ASNSD1: variants seen among roughly 807,000 people sequenced by gnomAD.
ASNSD1 encodes the protein asparagine synthetase domain-containing protein 1.
Under a neutral mutation model 48.3 loss-of-function variants are expected in ASNSD1, and 36 were observed. That is an observed-to-expected ratio of 0.75 (90% CI 0.57 to 0.99). ASNSD1 has a LOEUF of 0.99. Ranked by LOEUF, ASNSD1 falls within the 50% of genes least tolerant of loss-of-function variation. ASNSD1 has a pLI of 0.00. For synonymous variants in ASNSD1, 257 were observed against 262.1 expected, an observed-to-expected ratio of 0.98 and a Z score of 0.19; for missense variants, 714 against 758.2, an observed-to-expected ratio of 0.94 and a Z score of 0.69.
chr2:189,665,968 G>A (rs1454461928), intron 3 of ASNSD1, 73 bp from the exon 4 acceptor site: 15 of 635,714 alleles, frequency 2.4e-5, no homozygotes, highest in Admixed American at 7.3e-5. Context: ...AGCTTGTGTT[G>A]CCCTCTGAAT....
intron 1 of ASNSD1, among the ~76,000 whole-genome samples, chr2:189,662,161 T>G (rs2032681443): frequency 6.6e-6 from 1 of 152,230 alleles, no homozygotes; most frequent in Admixed American, 6.5e-5. Context: ...GCTTCTCCGT[T>G]AACCAGAGCA....
chr2:189,669,665 C>T (rs1208060026), intron 5 of ASNSD1, among the ~76,000 whole-genome samples: 2 of 152,038 alleles, frequency 1.3e-5, no homozygotes, highest in Non-Finnish European at 2.9e-5. Context: ...AACTGTATTG[C>T]ATTTTGAGAT....
In ASNSD1 at chr2:189,666,161, T is replaced by C; in HGVS notation, c.29T>C (p.Phe10Ser). 7 of 1,590,232 alleles carry C rather than the reference T, an allele frequency of 4.4e-6. No individual in the cohort carries two copies. Among genetic ancestry groups the C allele is most frequent in the Non-Finnish European group, 6.0e-6 (7 of 1,169,826 alleles). Residue 10 changes from phenylalanine (F) to serine (S), a missense_variant, in exon 4 of 6, where the codon TTT becomes TCT. Physicochemically the swap from Phe to Ser is radical, Grantham distance 155 (BLOSUM62 -2). Transcript: ENST00000260952. ...TGTGGCATTTGTTGTTCTGTAAACT[T>C]TTCTGCTGAGCATTTCAGTCAAGAT... Reference protein sequence around the residue: MCGICCSVNFSAEHFSQDLK... With the variant: MCGICCSVNSSAEHFSQDLK...
chr2:189,666,972 G>T lies in ASNSD1; in HGVS notation c.840G>T (p.Lys280Asn). 6.2e-7 allele frequency: 1 copy of T among 1,614,160 alleles called. No homozygotes were observed. The highest frequency in any genetic ancestry group is 8.5e-7 in the Non-Finnish European group (1 of 1,180,028). The change falls in exon 4 of 6, where the codon AAG (lysine) becomes AAT (asparagine). Residue 280 changes from lysine (K) to asparagine (N), a missense_variant. Coordinates refer to ENST00000260952, the MANE Select transcript of ASNSD1 (RefSeq NM_019048.4). The stretch of plus-strand genomic sequence containing the variant: ...TCTTTCTTACTGATGTACACATGAA[G>T]GAAGTAATTCAGCAGTTCATTGATG... The part of the protein sequence containing the change: ...LQVFLTDVHM[K>N]EVIQQFIDVL...
At chr2:189,662,801 C>T (rs1480750987) in intron 1 of ASNSD1, among the ~76,000 whole-genome samples, 2 of 151,914 alleles carry the variant, frequency 1.3e-5, no homozygotes, top group Admixed American at 1.3e-4. Context: ...AAATGAAGCC[C>T]AGGCCAGCAT....
Position 189,670,582 on chromosome 2 carries a change from T to C in ASNSD1, c.1788T>C (p.Ser596=), listed in dbSNP as rs372187311. 1.2e-6 allele frequency: 2 copies of C among 1,614,138 alleles called. No homozygotes were observed. Among genetic ancestry groups the C allele is most frequent in the Non-Finnish European group, 8.5e-7 (1 of 1,179,988 alleles). The part of the protein sequence containing the change: ...LAAVELGLTA[S]ALLPKRAMQF... ...CTGTGGAACTTGGTCTTACAGCCTCTGCTCTTCTGCCCAAACGGGCCATGC... is the reference window on the plus strand; with the variant it reads ...CTGTGGAACTTGGTCTTACAGCCTCCGCTCTTCTGCCCAAACGGGCCATGC... The change falls in exon 6 of 6, where the codon TCT becomes TCC. Residue 596 remains serine, a synonymous_variant. Coordinates refer to ENST00000260952, the MANE Select transcript of ASNSD1 (RefSeq NM_019048.4).
chr2:189,661,750 AC>A, intron 1 of ASNSD1, 140 bp downstream of exon 1: 2 of 397,618 alleles, frequency 5.0e-6, no homozygotes, highest in Non-Finnish European at 8.9e-6. Context: ...TATTCATAGC[AC>A]TTGACAGCCA....
chr2:189,668,087 C>A, intron 5 of ASNSD1, 142 bp downstream of exon 5: 1 of 755,182 alleles, frequency 1.3e-6, no homozygotes. Flanking sequence ...GTATTATAAA[C>A]AAAGTCAGAA....
At chr2:189,668,286 G>A (rs912873964) in intron 5 of ASNSD1, among the ~76,000 whole-genome samples, 1 of 152,144 alleles carries the variant, frequency 6.6e-6, no homozygotes, top group Non-Finnish European at 1.5e-5. Context: ...AGGCCAAGGC[G>A]GGTGGATCAC....
chr2:189,669,248 C>T lies in ASNSD1; in HGVS notation c.1647-1193C>T, dbSNP rs1237024845. Among the ~76,000 whole-genome samples the T allele has an allele frequency of 2.0e-5, 3 of 152,164 alleles. No homozygotes were observed. In the East Asian group the frequency reaches 5.8e-4, roughly 29 times the overall value. Reference sequence around the variant, plus strand: ...TCAAGATTTCACTATAAACTGATAACTAATGCCATAATAAAGTCCGTAAAC... The same window carrying T: ...TCAAGATTTCACTATAAACTGATAATTAATGCCATAATAAAGTCCGTAAAC... On this transcript the variant is annotated intron_variant, in intron 5 of 5. Transcript: ENST00000260952.
Position 189,661,578 on chromosome 2 carries a change from T to G in ASNSD1, c.-255T>G, listed in dbSNP as rs2032665251. 2.5e-6 allele frequency: 1 copy of G among 399,188 alleles called. No individual in the cohort carries two copies. The highest frequency in any genetic ancestry group is 4.4e-6 in the Non-Finnish European group (1 of 226,222). 24.7% of individuals were successfully genotyped at this position (399,188 alleles called of 1,614,324 possible). On this transcript the variant is annotated 5_prime_UTR_variant, in exon 1 of 6. It adds an upstream start codon to the 5' untranslated region. Coordinates refer to ENST00000260952, the MANE Select transcript of ASNSD1 (RefSeq NM_019048.4). ...CTCTGTGCTGATCCCCACCGACAATTCGACCCCACACAAGGAGGATCTAAG... is the reference window on the plus strand; with the variant it reads ...CTCTGTGCTGATCCCCACCGACAATGCGACCCCACACAAGGAGGATCTAAG...
rs2032847625 is a variant in ASNSD1, at chr2:189,667,785, G to A, written c.1486G>A (p.Ala496Thr). 6.2e-7 allele frequency: 1 copy of A among 1,613,340 alleles called. No individual in the cohort carries two copies. The highest frequency in any genetic ancestry group is 8.5e-7 in the Non-Finnish European group (1 of 1,179,850). The change falls in exon 5 of 6, where the codon GCA becomes ACA. Residue 496 changes from alanine (A) to threonine (T), a missense_variant. Transcript: ENST00000260952. Reference protein sequence around the residue: ...NAKVVLTGIGADEQLAGYSRH... With the variant: ...NAKVVLTGIGTDEQLAGYSRH... ...ATAGGTAGTTCTCACTGGAATTGGT[G>A]CAGATGAGCAACTTGCAGGTTATTC...
At chr2:189,670,414 A>G (rs957327134) in intron 5 of ASNSD1, 27 bp from the exon 6 acceptor site, 40 of 1,550,394 alleles carry the variant, frequency 2.6e-5, no homozygotes, top group Non-Finnish European at 3.5e-5. Context: ...ATTTTTACAT[A>G]GTGGTTATAT....
chr2:189,663,339 C>T (rs934083596), intron 1 of ASNSD1, among the ~76,000 whole-genome samples: 9 of 152,046 alleles, frequency 5.9e-5, no homozygotes, highest in Non-Finnish European at 8.8e-5. Context: ...CTGCAGCCTC[C>T]GCCTCCCGGG....
At chr2:189,664,101 A>T in intron 2 of ASNSD1, 147 bp downstream of exon 2, 1 of 328,336 alleles carries the variant, frequency 3.0e-6, no homozygotes, top group Non-Finnish European at 5.5e-6. Flanking sequence ...GCAAGTGTCT[A>T]GATTCTTTTT....
intron 5 of ASNSD1, among the ~76,000 whole-genome samples, chr2:189,669,688 G>T (rs2032889315): frequency 6.6e-6 from 1 of 152,142 alleles, no homozygotes; most frequent in Non-Finnish European, 1.5e-5. Flanking sequence ...GGGATGGTGG[G>T]TGTTAAAGTA....
intron 1 of ASNSD1, among the ~76,000 whole-genome samples, chr2:189,662,842 G>C (rs1309990930): frequency 6.6e-6 from 1 of 151,818 alleles, no homozygotes; most frequent in East Asian, 1.9e-4. Flanking sequence ...CCAGCTACTC[G>C]GAGGCTAAGG....
intron 4 of ASNSD1, 74 bp downstream of exon 4, chr2:189,667,670 T>C (rs544450140): frequency 1.3e-6 from 2 of 1,538,622 alleles, no homozygotes; most frequent in East Asian, 2.3e-5. Flanking sequence ...AGCATTTTGA[T>C]TGTAAGAATA....
In ASNSD1 at chr2:189,667,274, C is replaced by G. The variant is rs752153380; in HGVS notation, c.1142C>G (p.Pro381Arg). ...GNKQKNKCEI[P>R]SEEFSKDVAA... Reference sequence around the variant, plus strand: ...AAACAGAAAAATAAATGTGAAATACCTTCAGAAGAATTCTCTAAAGATGTT... The same window carrying G: ...AAACAGAAAAATAAATGTGAAATACGTTCAGAAGAATTCTCTAAAGATGTT... Residue 381 changes from proline (P) to arginine (R), a missense_variant, in exon 4 of 6, where the codon CCT (proline) becomes CGT (arginine). Pro to Arg is a moderately radical substitution (Grantham distance 103, BLOSUM62 -2). Transcript: ENST00000260952. 3.7e-6 allele frequency: 6 copies of G among 1,613,930 alleles called. No homozygotes were observed. The highest frequency in any genetic ancestry group is 5.1e-6 in the Non-Finnish European group (6 of 1,180,014).
Sources: gnomAD v4.1 joint callset for allele counts (sites outside exome capture counted in the v4.1 genomes callset) on GRCh38, gnomAD v4.1.1 for gene constraint, MANE v1.5 for transcripts, NCBI Gene and HGNC (gene_info 2026-07-23, HGNC 2026-07-21) for gene names.